TNFSF4: variants seen among roughly 807,000 people sequenced by gnomAD.
The protein encoded by TNFSF4 is tumor necrosis factor ligand superfamily member 4.
A neutral mutation model predicts 7.3 loss-of-function variants in TNFSF4; 4 were observed. The ratio of observed to expected loss-of-function variants is 0.55; its 90% CI spans 0.27 to 1.25. The LOEUF is 1.25. TNFSF4 is among the 50% of genes most tolerant of loss of function. The probability of loss-of-function intolerance (pLI) is 0.12; values close to 1 mark genes in which losing one functional copy is unlikely to be tolerated. For synonymous variants in TNFSF4, 76 were observed against 83.7 expected (o/e 0.91, Z 0.50); for missense variants, 181 against 208.8 (o/e 0.87, Z 0.82).
chr1:173,372,297 C>T, the TNFSF4 span, among the ~76,000 whole-genome samples: 109 of 152,216 alleles, frequency 7.2e-4, no homozygotes, highest in Non-Finnish European at 1.2e-3. Flanking sequence ...GATGGCCAGG[C>T]CACTCCATAC....
chr1:173,359,281 T>G, the TNFSF4 span, among the ~76,000 whole-genome samples: 3 of 152,132 alleles, frequency 2.0e-5, no homozygotes, highest in Admixed American at 1.3e-4. Context: ...ATGAATGAAT[T>G]AGTTTCTTCT....
chr1:173,351,385 C>T, the TNFSF4 span, among the ~76,000 whole-genome samples: 1 of 152,196 alleles, frequency 6.6e-6, no homozygotes, highest in African/African-American at 2.4e-5. Flanking sequence ...CCCTGAATTA[C>T]TCTGTCACAA....
chr1:173,219,602 C>T, the TNFSF4 span, among the ~76,000 whole-genome samples: 1 of 151,940 alleles, frequency 6.6e-6, no homozygotes, highest in Non-Finnish European at 1.5e-5. Flanking sequence ...CAGCACAATT[C>T]ACAACTGCAA....
the TNFSF4 span, among the ~76,000 whole-genome samples, chr1:173,281,650 T>C: frequency 6.6e-6 from 1 of 152,206 alleles, no homozygotes; most frequent in East Asian, 1.9e-4. Context: ...ATTTTTCTAA[T>C]GGCTCAAGGT....
At chr1:173,421,028 A>T in the TNFSF4 span, among the ~76,000 whole-genome samples, 1 of 152,198 alleles carries the variant, frequency 6.6e-6, no homozygotes, top group African/African-American at 2.4e-5. Context: ...GACTACACAC[A>T]GACTACACAC....
chr1:173,316,283 A>G, the TNFSF4 span, among the ~76,000 whole-genome samples: 2 of 152,178 alleles, frequency 1.3e-5, no homozygotes, highest in African/African-American at 2.4e-5. Flanking sequence ...GTAGATATAT[A>G]TGTCAAAACA....
intron 1 of TNFSF4, among the ~76,000 whole-genome samples, chr1:173,199,729 T>C (rs1479132208): frequency 6.6e-6 from 1 of 152,258 alleles, no homozygotes; most frequent in African/African-American, 2.4e-5. Flanking sequence ...TTCTTCATGG[T>C]TGAATAGGTA....
chr1:173,287,491 T>C, the TNFSF4 span, among the ~76,000 whole-genome samples: 5 of 152,186 alleles, frequency 3.3e-5, no homozygotes, highest in African/African-American at 7.2e-5. Context: ...ATTGGTACCA[T>C]TATTTTACAA....
the TNFSF4 span, among the ~76,000 whole-genome samples, chr1:173,355,985 C>T: frequency 1.3e-5 from 2 of 152,222 alleles, no homozygotes; most frequent in African/African-American, 2.4e-5. Flanking sequence ...TGATCTATGA[C>T]CACTATGCTG....
At chr1:173,274,124 T>TACAC in the TNFSF4 span, among the ~76,000 whole-genome samples, 185 of 145,484 alleles carry the variant, frequency 1.3e-3, no homozygotes, top group East Asian at 4.4e-3. Context: ...TCCATGTTCA[T>TACAC]ACACACACAC....
At chr1:173,423,148 C>T in the TNFSF4 span, among the ~76,000 whole-genome samples, 1 of 152,112 alleles carries the variant, frequency 6.6e-6, no homozygotes, top group Admixed American at 6.5e-5. Context: ...AATTCATTCT[C>T]ACCAATACAT....
chr1:173,336,186 A>G, the TNFSF4 span, among the ~76,000 whole-genome samples: 11 of 152,326 alleles, frequency 7.2e-5, no homozygotes, highest in African/African-American at 2.6e-4. Flanking sequence ...GAAACTACCT[A>G]GGAAAACAGT....
chr1:173,354,466 A>G, the TNFSF4 span, among the ~76,000 whole-genome samples: 1 of 46,740 alleles, frequency 2.1e-5, no homozygotes, highest in Non-Finnish European at 4.6e-5. Flanking sequence ...ATTGAAAAGG[A>G]GGGACTCCTC....
the TNFSF4 span, among the ~76,000 whole-genome samples, chr1:173,278,461 G>T: frequency 6.6e-6 from 1 of 151,936 alleles, no homozygotes; most frequent in Non-Finnish European, 1.5e-5. Flanking sequence ...TTTAATATTT[G>T]TCGTTGTCTC....
chr1:173,270,476 A>G, the TNFSF4 span, among the ~76,000 whole-genome samples: 1 of 152,064 alleles, frequency 6.6e-6, no homozygotes, highest in Admixed American at 6.6e-5. Context: ...GAGGATTGGG[A>G]ACGAAAGATT....
chr1:173,372,798 G>C, the TNFSF4 span, among the ~76,000 whole-genome samples: 1 of 152,202 alleles, frequency 6.6e-6, no homozygotes, highest in Non-Finnish European at 1.5e-5. Flanking sequence ...TTTTCTCCCA[G>C]AGGATGGGGA....
the TNFSF4 span, among the ~76,000 whole-genome samples, chr1:173,292,216 T>C: frequency 6.6e-6 from 1 of 152,038 alleles, no homozygotes; most frequent in African/African-American, 2.4e-5. Flanking sequence ...CTAATAAACA[T>C]AGATGCAAAA....
the TNFSF4 span, among the ~76,000 whole-genome samples, chr1:173,243,301 T>A: frequency 2.0e-5 from 3 of 152,140 alleles, no homozygotes; most frequent in African/African-American, 7.2e-5. Flanking sequence ...AAGAATGCAG[T>A]TTCCACAGCC....
At chr1:173,326,125 C>T in the TNFSF4 span, among the ~76,000 whole-genome samples, 1 of 152,144 alleles carries the variant, frequency 6.6e-6, no homozygotes, top group African/African-American at 2.4e-5. Flanking sequence ...CAATAAAATA[C>T]TGGCAAATGG....
Sources: gnomAD v4.1 joint callset for allele counts (sites outside exome capture counted in the v4.1 genomes callset) on GRCh38, gnomAD v4.1.1 for gene constraint, MANE v1.5 for transcripts, NCBI Gene and HGNC (gene_info 2026-07-23, HGNC 2026-07-21) for gene names.